INTS9: variants seen among roughly 807,000 people sequenced by gnomAD.
INTS9 encodes the protein integrator complex subunit 9.
Under a neutral mutation model 79.7 loss-of-function variants are expected in INTS9, and 55 were observed. That is an observed-to-expected ratio of 0.69 (90% CI 0.56 to 0.86). The LOEUF is 0.86. Ranked by LOEUF, INTS9 falls within the 40% of genes least tolerant of loss-of-function variation. INTS9 has a pLI of 0.00. For missense variants in INTS9, 721 were observed against 831.5 expected (o/e 0.87, Z 1.64); for synonymous variants, 319 against 325.2 (o/e 0.98, Z 0.20).
chr8:28,878,381 T>C (rs1381065266), intron 1 of INTS9, among the ~76,000 whole-genome samples: 1 of 151,904 alleles, frequency 6.6e-6, no homozygotes, highest in Non-Finnish European at 1.5e-5. Context: ...GGAGCGATCA[T>C]GGTTAACTGT....
rs1433638708 is a variant in INTS9, at chr8:28,775,650, C to G, written c.1563+109G>C. On this transcript the variant is annotated intron_variant, in intron 14 of 16. Transcript: ENST00000521022. ...TATAGGCGTGAGCTACTGCGCGCAGCCTGGTTCATTTATACTTGACATAAA... is the reference window on the plus strand; with the variant it reads ...TATAGGCGTGAGCTACTGCGCGCAGGCTGGTTCATTTATACTTGACATAAA... The G allele has an allele frequency of 5.4e-5, 65 of 1,210,008 alleles. No individual in the cohort carries two copies. The Middle Eastern group carries it at 9.8e-4, about 18-fold the overall frequency. The allele number at this position is 1,210,008 out of a possible 1,614,324, so 75.0% of individuals were successfully genotyped here. A position where few individuals can be genotyped will look rare whatever the true frequency, so the allele number is the denominator to read the frequency against.
intron 1 of INTS9, among the ~76,000 whole-genome samples, chr8:28,879,233 T>C (rs1809563806): frequency 6.6e-6 from 1 of 152,134 alleles, no homozygotes; most frequent in Non-Finnish European, 1.5e-5. Flanking sequence ...AACACCATGA[T>C]CAAGTGGAAT....
chr8:28,772,474 C>T (rs1182179875), intron 14 of INTS9, among the ~76,000 whole-genome samples: 1 of 152,102 alleles, frequency 6.6e-6, no homozygotes, highest in African/African-American at 2.4e-5. Flanking sequence ...GACTGTGCCA[C>T]TACACTCCAG....
intron 1 of INTS9, among the ~76,000 whole-genome samples, chr8:28,883,482 A>T (rs1810005880): frequency 6.6e-6 from 1 of 152,212 alleles, no homozygotes; most frequent in Non-Finnish European, 1.5e-5. Context: ...CATCATTGGC[A>T]AGGGTGGGGA....
At chr8:28,804,080 C>T (rs113884552) in intron 8 of INTS9, among the ~76,000 whole-genome samples, 19 of 152,084 alleles carry the variant, frequency 1.2e-4, no homozygotes, top group Admixed American at 3.3e-4. Flanking sequence ...TGTGCCACCA[C>T]GCCCAGCTTC....
Position 28,804,259 on chromosome 8 carries a change from C to T in INTS9, c.745-7604G>A, listed in dbSNP as rs551383978. Among the ~76,000 whole-genome samples the T allele has an allele frequency of 9.9e-5, 15 of 152,258 alleles. No individual in the cohort carries two copies. The South Asian group carries it at 1.0e-3, about 11-fold the overall frequency. On this transcript the variant is annotated intron_variant, in intron 8 of 16. Transcript: ENST00000521022. ...AGAATCTAAACTGAGAGGACAGAGA[C>T]GCTCAGAAGCAAGGGCAGCTGACAA...
intron 1 of INTS9, among the ~76,000 whole-genome samples, chr8:28,868,838 C>G (rs1323728575): frequency 6.6e-6 from 1 of 152,152 alleles, no homozygotes; most frequent in Non-Finnish European, 1.5e-5. Flanking sequence ...TGCGGTGGCT[C>G]ATGGCTGTAA....
intron 11 of INTS9, among the ~76,000 whole-genome samples, chr8:28,781,940 T>A (rs1803289797): frequency 6.6e-6 from 1 of 151,890 alleles, no homozygotes; most frequent in South Asian, 2.1e-4. Context: ...TGGGCGAGAG[T>A]GACGTGTCAA....
intron 14 of INTS9, 143 bp from the exon 15 acceptor site, chr8:28,771,223 T>C (rs1194296210): frequency 2.8e-6 from 2 of 705,154 alleles, no homozygotes; most frequent in African/African-American, 3.5e-5. Flanking sequence ...AGATGGAGTC[T>C]TGCTCTGTCG....
intron 7 of INTS9, 114 bp from the exon 8 acceptor site, chr8:28,812,575 T>A: frequency 8.4e-7 from 1 of 1,185,560 alleles, no homozygotes; most frequent in Non-Finnish European, 1.2e-6. Context: ...AAAATTATTT[T>A]AAAGTAAACC....
At chr8:28,880,432 T>G (rs903245858) in intron 1 of INTS9, among the ~76,000 whole-genome samples, 12 of 150,080 alleles carry the variant, frequency 8.0e-5, no homozygotes, top group Admixed American at 1.3e-4. Context: ...CTGGTTTTCG[T>G]TTTTTTTTGG....
At chr8:28,870,814 G>GT (rs1382040219) in intron 1 of INTS9, among the ~76,000 whole-genome samples, 1 of 152,114 alleles carries the variant, frequency 6.6e-6, no homozygotes, top group Non-Finnish European at 1.5e-5. Flanking sequence ...AAGATGCCTG[G>GT]TATAATACGT....
At chr8:28,819,729 A>G (rs896665150) in intron 6 of INTS9, among the ~76,000 whole-genome samples, 1 of 152,106 alleles carries the variant, frequency 6.6e-6, no homozygotes, top group Non-Finnish European at 1.5e-5. Flanking sequence ...TGTCTCGTTG[A>G]TCTGTCTAAT....
rs1034156439 is a variant in INTS9 at position 28,806,171 on chromosome 8, A to C, written c.744+6156T>G. The stretch of plus-strand genomic sequence containing the variant: ...CTTGAACTGCGGAGGCAGAGGCTGC[A>C]GTGAGTTGAGATTGCACCATTGTGC... On this transcript the variant is annotated intron_variant, in intron 8 of 16. Transcript: ENST00000521022. 3.9e-5 allele frequency among the ~76,000 whole-genome samples: 6 copies of C among 152,216 alleles called. No homozygotes were observed. In the East Asian group the frequency reaches 1.2e-3, roughly 29 times the overall value.
At chr8:28,872,489 A>C (rs1809149990) in intron 1 of INTS9, among the ~76,000 whole-genome samples, 1 of 152,040 alleles carries the variant, frequency 6.6e-6, no homozygotes, top group Non-Finnish European at 1.5e-5. Context: ...CTGGAATAAA[A>C]ACTATTTGCT....
At chr8:28,813,724 A>G (rs1805297454) in intron 6 of INTS9, 112 bp from the exon 7 acceptor site, 1 of 1,161,054 alleles carries the variant, frequency 8.6e-7, no homozygotes, top group African/African-American at 1.5e-5. Flanking sequence ...ACTGGCATAT[A>G]ATTGTTCATA....
At chr8:28,829,824 C>T (rs1806365015) in intron 6 of INTS9, among the ~76,000 whole-genome samples, 1 of 152,164 alleles carries the variant, frequency 6.6e-6, no homozygotes, top group Admixed American at 6.5e-5. Context: ...TTTACAACAT[C>T]TAGACTTTGA....
In INTS9 at chr8:28,881,316, C is replaced by T. The variant is rs1175588324; in HGVS notation, c.9+8558G>A. Among the ~76,000 whole-genome samples the T allele has an allele frequency of 2.3e-3, 339 of 144,464 alleles. 1 individual carries two copies. Among genetic ancestry groups the T allele is most frequent in the African/African-American group, 7.7e-3 (300 of 38,884 alleles). 94.8% of individuals were successfully genotyped at this position (144,464 alleles called of 152,430 possible). A position where few individuals can be genotyped will look rare whatever the true frequency, so the allele number is the denominator to read the frequency against. ...GGAGGGAGGTGGGGGGATCAGCCCC[C>T]CGCCTGGCCAGCCGCCCCGTCCGGG... On this transcript the variant is annotated intron_variant, in intron 1 of 16. Transcript: ENST00000521022.
At chr8:28,805,241 T>C (rs1804742767) in intron 8 of INTS9, among the ~76,000 whole-genome samples, 1 of 152,226 alleles carries the variant, frequency 6.6e-6, no homozygotes, top group Non-Finnish European at 1.5e-5. Flanking sequence ...TTCAGGGTTC[T>C]TAATGACAAC....
Sources: allele counts gnomAD v4.1 joint callset (sites outside exome capture counted in the v4.1 genomes callset), GRCh38; gene constraint gnomAD v4.1.1; transcripts MANE v1.5; gene names NCBI Gene and HGNC (gene_info 2026-07-23, HGNC 2026-07-21).